ERBB4: variants seen among roughly 807,000 people sequenced by gnomAD.
ERBB4 encodes the protein receptor tyrosine-protein kinase erbB-4.
A neutral mutation model predicts 158.0 loss-of-function variants in ERBB4; 42 were observed. The ratio of observed to expected loss-of-function variants is 0.27; its 90% CI spans 0.21 to 0.34. The LOEUF is 0.34. ERBB4 is among the 10% of genes least tolerant of loss of function. The probability of loss-of-function intolerance (pLI) is 1.00; values close to 1 mark genes in which losing one functional copy is unlikely to be tolerated. For synonymous variants in ERBB4, 583 were observed against 558.7 expected, an observed-to-expected ratio of 1.04 and a Z score of -0.61; for missense variants, 1,333 against 1,624.1, an observed-to-expected ratio of 0.82 and a Z score of 3.08.
At chr2:211,467,173 T>C (rs2064715287) in intron 20 of ERBB4, among the ~76,000 whole-genome samples, 1 of 152,092 alleles carries the variant, frequency 6.6e-6, no homozygotes, top group Non-Finnish European at 1.5e-5. Flanking sequence ...GATAGTAACG[T>C]ACCTTTTCCA....
intron 1 of ERBB4, among the ~76,000 whole-genome samples, chr2:212,322,200 G>A (rs2087597595): frequency 6.6e-6 from 1 of 150,422 alleles, no homozygotes; most frequent in South Asian, 2.1e-4. Flanking sequence ...AGAGTGAACT[G>A]GCTTAGGAGA....
chr2:212,089,450 C>T (rs993240855), intron 2 of ERBB4, among the ~76,000 whole-genome samples: 2 of 152,130 alleles, frequency 1.3e-5, no homozygotes, highest in Non-Finnish European at 2.9e-5. Context: ...ATTGTAACCC[C>T]CAATGTTGGA....
At chr2:212,019,490 C>T (rs934673340) in intron 2 of ERBB4, among the ~76,000 whole-genome samples, 3 of 152,064 alleles carry the variant, frequency 2.0e-5, no homozygotes, top group East Asian at 1.9e-4. Flanking sequence ...AGGCAGGGCA[C>T]GGTGGCTCTC....
At chr2:211,760,935 G>A (rs2075393916) in intron 4 of ERBB4, among the ~76,000 whole-genome samples, 1 of 152,120 alleles carries the variant, frequency 6.6e-6, no homozygotes, top group Non-Finnish European at 1.5e-5. Flanking sequence ...GTCGGGCGTG[G>A]TGTCTCACGC....
intron 2 of ERBB4, among the ~76,000 whole-genome samples, chr2:211,984,428 A>G (rs899297362): frequency 3.9e-5 from 6 of 152,212 alleles, no homozygotes; most frequent in Non-Finnish European, 7.4e-5. Context: ...CATAATTTAC[A>G]GTATTATAAT....
intron 20 of ERBB4, among the ~76,000 whole-genome samples, chr2:211,554,744 G>C (rs114988449): frequency 6.6e-6 from 1 of 152,202 alleles, no homozygotes; most frequent in Admixed American, 6.5e-5. Flanking sequence ...CTGACTTTGT[G>C]TAGAGAAAAC....
rs375709500 is a variant in ERBB4, at chr2:211,624,009, G to C, written c.2115C>G (p.Pro705=). 2 of 1,614,036 alleles carry C rather than the reference G, an allele frequency of 1.2e-6. No homozygotes were observed. ...VEPLTPSGTA[P]NQAQLRILKE... The stretch of plus-strand genomic sequence containing the variant: ...TCAAAATACGAAGTTGAGCTTGATT[G>C]GGTGCTGTGCCACTGGGAGTTAATG... The change falls in exon 18 of 28, where the codon CCC becomes CCG. Residue 705 remains proline (P), a synonymous_variant. Coordinates refer to ENST00000342788, the MANE Select transcript of ERBB4 (RefSeq NM_005235.3).
At chr2:211,923,060 T>A (rs189138904) in intron 3 of ERBB4, among the ~76,000 whole-genome samples, 183 of 152,262 alleles carry the variant, frequency 1.2e-3, no homozygotes, top group African/African-American at 4.2e-3. Context: ...ACGTAAATTA[T>A]AGGTGTACAT....
intron 1 of ERBB4, among the ~76,000 whole-genome samples, chr2:212,367,789 T>G (rs181074351): frequency 6.6e-4 from 100 of 152,064 alleles, no homozygotes; most frequent in African/African-American, 2.3e-3. Context: ...GAATAGACAA[T>G]TTTCAAAAGG....
chr2:211,885,830 A>G (rs1315779039), intron 3 of ERBB4, among the ~76,000 whole-genome samples: 1 of 152,150 alleles, frequency 6.6e-6, no homozygotes, highest in Non-Finnish European at 1.5e-5. Flanking sequence ...TCAGTTTAAG[A>G]ATGTTTCTTA....
intron 2 of ERBB4, among the ~76,000 whole-genome samples, chr2:212,073,102 G>T (rs1400966241): frequency 6.6e-6 from 1 of 151,854 alleles, no homozygotes; most frequent in Admixed American, 6.6e-5. Context: ...GAGGCCTGGA[G>T]GTGGAAGGAA....
At chr2:211,873,742 C>T (rs1409436525) in intron 3 of ERBB4, among the ~76,000 whole-genome samples, 1 of 150,900 alleles carries the variant, frequency 6.6e-6, no homozygotes, top group East Asian at 1.9e-4. Flanking sequence ...GCCAAATTTT[C>T]ACTATGGACA....
At chr2:212,396,100 G>C (rs191256420) in intron 1 of ERBB4, among the ~76,000 whole-genome samples, 11 of 152,208 alleles carry the variant, frequency 7.2e-5, no homozygotes, top group African/African-American at 2.6e-4. Flanking sequence ...ATTTTTAAGC[G>C]TGTGCTCAAA....
At chr2:211,909,467 G>C (rs916336339) in intron 3 of ERBB4, among the ~76,000 whole-genome samples, 4 of 151,674 alleles carry the variant, frequency 2.6e-5, no homozygotes, top group Admixed American at 6.6e-5. Flanking sequence ...ACACACTTAG[G>C]AGAAATGATA....
At chr2:212,177,073 T>C (rs1260823830) in intron 1 of ERBB4, among the ~76,000 whole-genome samples, 3 of 151,900 alleles carry the variant, frequency 2.0e-5, no homozygotes, top group Admixed American at 6.6e-5. Flanking sequence ...CCATAAGTAT[T>C]GTGATTAATA....
At position 212,393,490 on chromosome 2, in the gene ERBB4, G is replaced by T. The variant is rs115604143; in HGVS notation, c.82+144959C>A. Among the ~76,000 whole-genome samples, 179 of 151,762 alleles carry T rather than the reference G, an allele frequency of 1.2e-3. 1 individual carries two copies. Among genetic ancestry groups the T allele is most frequent in the African/African-American group, 4.2e-3 (172 of 41,412 alleles). On this transcript the variant is annotated intron_variant, in intron 1 of 27. Coordinates refer to ENST00000342788, the MANE Select transcript of ERBB4 (RefSeq NM_005235.3). ...TATCATTACTTAACAATAATAAAAC[G>T]TACCACCTTTGGCTACACACAATCA... is the stretch of plus-strand genomic sequence containing the variant.
chr2:211,402,615 A>C (rs1372060764), intron 25 of ERBB4, among the ~76,000 whole-genome samples: 1 of 151,946 alleles, frequency 6.6e-6, no homozygotes, highest in Non-Finnish European at 1.5e-5. Context: ...ATGCCTTCAT[A>C]TTCTCCTGCT....
chr2:212,101,057 T>C (rs113542372), intron 2 of ERBB4, among the ~76,000 whole-genome samples: 9 of 152,146 alleles, frequency 5.9e-5, no homozygotes, highest in African/African-American at 1.9e-4. Context: ...GATTTGGTTA[T>C]AGGCAAGGGA....
intron 1 of ERBB4, among the ~76,000 whole-genome samples, chr2:212,435,055 TCTTACAGGAAAGAAACA>T (rs770177468): frequency 1.2e-4 from 19 of 152,044 alleles, no homozygotes; most frequent in Non-Finnish European, 2.2e-4. Context: ...CATTCATATT[TCTTACAGGAAAGAAACA>T]ATTTCATTTC....
Sources: allele counts gnomAD v4.1 joint callset (sites outside exome capture counted in the v4.1 genomes callset), GRCh38; gene constraint gnomAD v4.1.1; transcripts MANE v1.5; gene names NCBI Gene and HGNC (gene_info 2026-07-23, HGNC 2026-07-21).